The following KCNQ1 variants were observed in gnomAD, a reference collection of about 807,000 sequenced individuals.
The protein encoded by KCNQ1 is potassium voltage-gated channel subfamily Q member 1.
KCNQ1 carries 49 observed loss-of-function variants against 72.4 expected under a neutral mutation model. The ratio of observed to expected loss-of-function variants is 0.68; its 90% confidence interval spans 0.54 to 0.86. The LOEUF (loss-of-function observed/expected upper bound fraction) is 0.86. Among genes scored for constraint, KCNQ1 ranks in the 40% least tolerant of loss-of-function variants. The pLI, the probability that KCNQ1 is intolerant of heterozygous loss-of-function variation, is 0.00. For synonymous variants in KCNQ1, 450 were observed against 412.6 expected (o/e 1.09, Z -1.10); for missense variants, 790 against 945.1 (o/e 0.84, Z 2.15).
chr11:2,737,421 T>C (rs1845975731), intron 11 of KCNQ1, among the ~76,000 whole-genome samples: 1 of 152,190 alleles, frequency 6.6e-6, no homozygotes, highest in African/African-American at 2.4e-5. Flanking sequence ...CCTGGAGGCC[T>C]GCTGGATGCC....
intron 1 of KCNQ1, among the ~76,000 whole-genome samples, chr11:2,453,543 G>A (rs1252212821): frequency 1.3e-5 from 2 of 152,210 alleles, no homozygotes; most frequent in African/African-American, 4.8e-5. Flanking sequence ...GACCCACAGG[G>A]GGACCTTGAA....
At position 2,640,745 on chromosome 11, in the gene KCNQ1, C is replaced by G. The variant is rs947618450; in HGVS notation, c.1394-21216C>G. ...TATACATTATATTGTTAAATATAGT[C>G]AACCAACTCTTATCAAACATTATAA... On this transcript the variant is annotated intron_variant, in intron 10 of 15. Transcript: ENST00000155840. 1.5e-5 allele frequency: 6 copies of G among 398,298 alleles called. No individual in the cohort carries two copies. The Admixed American group carries it at 2.6e-4, about 18-fold the overall frequency. The allele number at this position is 398,298 out of a possible 1,614,324, so 24.7% of individuals were successfully genotyped here. A position where few individuals can be genotyped will look rare whatever the true frequency, so the allele number is the denominator to read the frequency against.
chr11:2,534,120 G>C (rs978202098), intron 2 of KCNQ1, among the ~76,000 whole-genome samples: 9 of 152,138 alleles, frequency 5.9e-5, no homozygotes, highest in Admixed American at 5.9e-4. Flanking sequence ...TCAGAGCAAG[G>C]CCTCAGTTTC....
At chr11:2,639,639 A>T (rs2133827271) in intron 10 of KCNQ1, 1 of 152,554 alleles carries the variant, frequency 6.6e-6, no homozygotes, top group South Asian at 2.1e-4. Context: ...AGTGCCTCCC[A>T]GTTAGGCTAC....
chr11:2,761,681 G>A (rs922904563), intron 11 of KCNQ1, among the ~76,000 whole-genome samples: 2 of 152,160 alleles, frequency 1.3e-5, no homozygotes, highest in Non-Finnish European at 2.9e-5. Context: ...GGAGCAAGCC[G>A]GGCCCTTCTC....
rs534354589 is a variant in KCNQ1 at position 2,625,577 on chromosome 11, C to T, written c.1394-36384C>T. On this transcript the variant is annotated intron_variant, in intron 10 of 15. Transcript: ENST00000155840. ...AGATACGTCTGTCCAAGTCCTTTGC[C>T]CTTTTTTTTTTTTTTTTGAGATGGA... is the stretch of plus-strand genomic sequence containing the variant. 4.8e-4 allele frequency: 171 copies of T among 352,924 alleles called. No homozygotes were observed. The East Asian group carries it at 6.3e-3, about 13-fold the overall frequency. The allele number at this position is 352,924 out of a possible 1,614,324, so 21.9% of individuals were successfully genotyped here.
At chr11:2,736,463 G>A (rs1845957834) in intron 11 of KCNQ1, among the ~76,000 whole-genome samples, 1 of 152,148 alleles carries the variant, frequency 6.6e-6, no homozygotes, top group African/African-American at 2.4e-5. Context: ...GGGCCTCTGG[G>A]GTTAGACGGT....
At chr11:2,829,167 C>G (rs1299521626) in intron 15 of KCNQ1, among the ~76,000 whole-genome samples, 1 of 152,132 alleles carries the variant, frequency 6.6e-6, no homozygotes, top group East Asian at 1.9e-4. Context: ...AAGAGAAACA[C>G]AATTCAAGAA....
In KCNQ1 at chr11:2,647,218, T is replaced by A; in HGVS notation, c.1394-14743T>A. On this transcript the variant is annotated intron_variant, in intron 10 of 15. Transcript: ENST00000155840. The surrounding 1 kb of genome is among the most constrained non-coding windows in gnomAD (Gnocchi z 4.0). ...AATTTTATCAGATGCTTTTTCTGCA[T>A]CTATTGAGATGATCATGTATTTTTT... The A allele has an allele frequency of 2.5e-6, 1 of 398,538 alleles. No individual in the cohort carries two copies. Among genetic ancestry groups the A allele is most frequent in the East Asian group, 3.6e-5 (1 of 28,056 alleles). The allele number at this position is 398,538 out of a possible 1,614,324, so 24.7% of individuals were successfully genotyped here. A position where few individuals can be genotyped will look rare whatever the true frequency, so the allele number is the denominator to read the frequency against.
chr11:2,499,201 GT>G (rs1307536314), intron 1 of KCNQ1, among the ~76,000 whole-genome samples: 1 of 152,040 alleles, frequency 6.6e-6, no homozygotes, highest in Non-Finnish European at 1.5e-5. Context: ...TTTTGATTTT[GT>G]TTTTTTGCTT....
chr11:2,583,365 TG>T (rs1327530295), intron 6 of KCNQ1, 69 bp from the exon 7 acceptor site: 1 of 1,054,848 alleles, frequency 9.5e-7, no homozygotes. Context: ...GTGGTGGGTT[TG>T]GGTTAGGCAG....
At position 2,461,574 on chromosome 11, in the gene KCNQ1, T is replaced by A. The variant is rs761293947; in HGVS notation, c.386+16090T>A. 5 of 1,355,100 alleles carry A rather than the reference T, an allele frequency of 3.7e-6. No homozygotes were observed. In the African/African-American group the frequency reaches 5.9e-5, roughly 16 times the overall value. 83.9% of individuals were successfully genotyped at this position (1,355,100 alleles called of 1,614,324 possible). Reference sequence around the variant, plus strand: ...CGGGCCTGGATTTACTCAGCCCAGATCACGGCTGCTTTTGTTTACGTGGCC... The same window carrying A: ...CGGGCCTGGATTTACTCAGCCCAGAACACGGCTGCTTTTGTTTACGTGGCC... On this transcript the variant is annotated intron_variant, in intron 1 of 15. Transcript: ENST00000155840.
chr11:2,578,096 C>G (rs1017688761), intron 6 of KCNQ1, among the ~76,000 whole-genome samples: 1 of 152,228 alleles, frequency 6.6e-6, no homozygotes, highest in African/African-American at 2.4e-5. Context: ...GTCTCTAAGT[C>G]TGCAAGGGGC....
chr11:2,640,624 C>T (rs764602236), intron 10 of KCNQ1: 1 of 396,922 alleles, frequency 2.5e-6, no homozygotes, highest in African/African-American at 2.1e-5. Flanking sequence ...TTGTTACATG[C>T]ATCGAATGTG....
intron 15 of KCNQ1, among the ~76,000 whole-genome samples, chr11:2,842,905 G>T (rs931252419): frequency 2.6e-5 from 4 of 152,232 alleles, no homozygotes; most frequent in Non-Finnish European, 4.4e-5. Flanking sequence ...TGTTTTATAG[G>T]CAGGGAAACT....
intron 11 of KCNQ1, among the ~76,000 whole-genome samples, chr11:2,721,187 C>T (rs1186266389): frequency 2.0e-5 from 3 of 152,192 alleles, no homozygotes; most frequent in African/African-American, 7.2e-5. Context: ...GGAGACAACT[C>T]GACAAGTTAC....
In KCNQ1 at chr11:2,783,116, T is replaced by C. The variant is rs1846851544; in HGVS notation, c.1794+5079T>C. Among the ~76,000 whole-genome samples the C allele has an allele frequency of 6.6e-6, 1 of 152,304 alleles. No individual in the cohort carries two copies. Among genetic ancestry groups the C allele is most frequent in the Non-Finnish European group, 1.5e-5 (1 of 67,986 alleles). On this transcript the variant is annotated intron_variant, in intron 15 of 15. Coordinates refer to ENST00000155840, the MANE Select transcript of KCNQ1 (RefSeq NM_000218.3). The surrounding 1 kb of genome is among the most constrained non-coding windows in gnomAD (Gnocchi z 5.2). ...TGCATTTAAGGTTATAAATTTTTCCTTTAAATATCATCCAAACTACATCTC... is the reference window on the plus strand; with the variant it reads ...TGCATTTAAGGTTATAAATTTTTCCCTTAAATATCATCCAAACTACATCTC...
chr11:2,798,962 C>T (rs919385939), intron 15 of KCNQ1, among the ~76,000 whole-genome samples: 10 of 152,134 alleles, frequency 6.6e-5, no homozygotes, highest in Admixed American at 1.3e-4. Context: ...AGGGTACCCG[C>T]GTGAAGGGTA....
chr11:2,794,938 A>G (rs1250567646), intron 15 of KCNQ1, among the ~76,000 whole-genome samples: 2 of 152,202 alleles, frequency 1.3e-5, no homozygotes, highest in Non-Finnish European at 2.9e-5. Flanking sequence ...GGCCCAGCCT[A>G]GAGTGGGTAT....
Sources: allele counts gnomAD v4.1 joint callset (sites outside exome capture counted in the v4.1 genomes callset), GRCh38; gene constraint gnomAD v4.1.1; non-coding constraint Gnocchi (gnomAD v3.1); transcripts MANE v1.5; gene names NCBI Gene and HGNC (gene_info 2026-07-23, HGNC 2026-07-21).